SDK1: variants seen among roughly 807,000 people sequenced by gnomAD.
SDK1 encodes the protein sidekick cell adhesion molecule 1.
SDK1 carries 157 observed loss-of-function variants against 245.5 expected under a neutral mutation model. That is an observed-to-expected ratio of 0.64 (90% CI 0.56 to 0.73). The LOEUF (loss-of-function observed/expected upper bound fraction) is 0.73, where lower values mean the gene tolerates loss of function less well. Among genes scored for constraint, SDK1 ranks in the 30% least tolerant of loss-of-function variants. SDK1 has a pLI of 0.00. For synonymous variants in SDK1, 1,647 were observed against 1,278.5 expected (o/e 1.29, Z -6.15); for missense variants, 3,583 against 3,002.3 (o/e 1.19, Z -4.52).
chr7:3,713,771 T>A (rs544567907), intron 4 of SDK1, among the ~76,000 whole-genome samples: 1 of 152,342 alleles, frequency 6.6e-6, no homozygotes, highest in Admixed American at 6.5e-5. Context: ...ATTTAATATT[T>A]AATTGATTAA....
intron 2 of SDK1, among the ~76,000 whole-genome samples, chr7:3,619,731 C>T (rs1781875983): frequency 6.6e-6 from 1 of 152,136 alleles, no homozygotes; most frequent in African/African-American, 2.4e-5. Flanking sequence ...GTATATTCAG[C>T]AGCAATAAAA....
intron 4 of SDK1, among the ~76,000 whole-genome samples, chr7:3,661,487 T>G (rs1409809173): frequency 6.6e-6 from 1 of 152,200 alleles, no homozygotes; most frequent in African/African-American, 2.4e-5. Context: ...ACACGCTATA[T>G]GAATTTAAAT....
chr7:4,139,529 GTGTGTGTA>G lies in SDK1; in HGVS notation c.4229-6191_4229-6184del, dbSNP rs1562871713. On this transcript the variant is annotated intron_variant, in intron 28 of 44. Coordinates refer to ENST00000404826, the MANE Select transcript of SDK1 (RefSeq NM_152744.4). ...TATATGTATATATGTGTGTGTATGT[GTGTGTGTA>G]TATATGTGTGTGTATATGTATATAT... 1.4e-3 allele frequency among the ~76,000 whole-genome samples: 16 copies of G among 11,626 alleles called. 1 individual carries two copies. Among genetic ancestry groups the G allele is most frequent in the African/African-American group, 5.0e-3 (16 of 3,182 alleles). 7.6% of individuals were successfully genotyped at this position (11,626 alleles called of 152,430 possible). A position where few individuals can be genotyped will look rare whatever the true frequency, so the allele number is the denominator to read the frequency against.
chr7:3,930,243 T>C (rs534091879), intron 5 of SDK1, among the ~76,000 whole-genome samples: 2 of 152,094 alleles, frequency 1.3e-5, no homozygotes, highest in South Asian at 4.1e-4. Context: ...AGGAGCTGAG[T>C]AACTCACCAC....
At chr7:4,244,794 A>C (rs1786744205) in intron 43 of SDK1, among the ~76,000 whole-genome samples, 1 of 152,080 alleles carries the variant, frequency 6.6e-6, no homozygotes, top group Non-Finnish European at 1.5e-5. Context: ...GGCAGCATGC[A>C]TTTCCTTGTG....
chr7:3,695,379 T>C (rs1784542237), intron 4 of SDK1, among the ~76,000 whole-genome samples: 1 of 152,230 alleles, frequency 6.6e-6, no homozygotes, highest in South Asian at 2.1e-4. Context: ...TATGAGTAGA[T>C]TAAAATCACT....
chr7:3,846,745 C>G (rs962226728), intron 5 of SDK1, among the ~76,000 whole-genome samples: 1 of 152,196 alleles, frequency 6.6e-6, no homozygotes, highest in African/African-American at 2.4e-5. Flanking sequence ...TGTGAGCACA[C>G]TCAGCACATT....
At chr7:3,434,907 A>C (rs1301174005) in intron 1 of SDK1, among the ~76,000 whole-genome samples, 2 of 152,186 alleles carry the variant, frequency 1.3e-5, no homozygotes, top group African/African-American at 4.8e-5. Flanking sequence ...CGCAGTGTTT[A>C]TTTCATGTTT....
chr7:3,772,784 T>C (rs114621003), intron 4 of SDK1, among the ~76,000 whole-genome samples: 2,054 of 152,336 alleles, frequency 0.013, 55 homozygotes, highest in African/African-American at 0.047. Context: ...CCTCAACTTT[T>C]GTTTATCTGG....
chr7:3,470,046 T>A (rs1424494329), intron 1 of SDK1, among the ~76,000 whole-genome samples: 1 of 152,166 alleles, frequency 6.6e-6, no homozygotes, highest in Non-Finnish European at 1.5e-5. Flanking sequence ...CATTCATTTT[T>A]CCATATTTAA....
intron 5 of SDK1, 64 bp from the exon 6 acceptor site, chr7:3,950,859 G>A (rs1433475027): frequency 1.6e-6 from 2 of 1,289,654 alleles, no homozygotes; most frequent in South Asian, 1.3e-5. Context: ...TGTCCCCTCA[G>A]ATAACGGCGG....
At chr7:3,877,303 C>G (rs926804395) in intron 5 of SDK1, among the ~76,000 whole-genome samples, 1 of 152,202 alleles carries the variant, frequency 6.6e-6, no homozygotes, top group African/African-American at 2.4e-5. Flanking sequence ...CAATAATCAT[C>G]TTGCAGAGTT....
intron 19 of SDK1, among the ~76,000 whole-genome samples, chr7:4,056,704 G>C (rs1266992116): frequency 1.3e-5 from 2 of 152,106 alleles, no homozygotes; most frequent in Non-Finnish European, 2.9e-5. Context: ...GTGATGTCCT[G>C]CTCCAGAGAG....
intron 14 of SDK1, among the ~76,000 whole-genome samples, chr7:3,998,232 T>C (rs1338075648): frequency 2.0e-5 from 3 of 152,208 alleles, no homozygotes; most frequent in Non-Finnish European, 4.4e-5. Context: ...GAGCTTCCAC[T>C]TGTCCCCGGC....
intron 1 of SDK1, among the ~76,000 whole-genome samples, chr7:3,335,061 G>A (rs1780164731): frequency 6.6e-6 from 1 of 152,004 alleles, no homozygotes; most frequent in African/African-American, 2.4e-5. Context: ...CCTGAAACCA[G>A]TCACTTATAA....
At chr7:3,569,788 C>G (rs945307730) in intron 1 of SDK1, among the ~76,000 whole-genome samples, 4 of 152,090 alleles carry the variant, frequency 2.6e-5, no homozygotes, top group Non-Finnish European at 5.9e-5. Context: ...ATGTGCTTGG[C>G]TTTTGTTAAC....
Position 4,227,713 on chromosome 7 carries a change from G to A in SDK1, c.5828-5542G>A, listed in dbSNP as rs760513212. On this transcript the variant is annotated intron_variant, in intron 40 of 44. Transcript: ENST00000404826. ...CAAACTTTTGTATTGGCATGACGTCGGCCCTAATACCTGCAGCACGCAGCT... is the reference window on the plus strand; with the variant it reads ...CAAACTTTTGTATTGGCATGACGTCAGCCCTAATACCTGCAGCACGCAGCT... 5.3e-5 allele frequency among the ~76,000 whole-genome samples: 8 copies of A among 152,186 alleles called. No individual in the cohort carries two copies. The East Asian group carries it at 7.7e-4, about 15-fold the overall frequency.
At chr7:3,998,786 G>A (rs988713711) in intron 14 of SDK1, among the ~76,000 whole-genome samples, 25 of 152,156 alleles carry the variant, frequency 1.6e-4, no homozygotes, top group African/African-American at 4.3e-4. Context: ...CGCATCGCTC[G>A]CTGTCTTCCA....
intron 19 of SDK1, among the ~76,000 whole-genome samples, chr7:4,066,918 C>T (rs950146891): frequency 4.6e-5 from 7 of 152,178 alleles, no homozygotes; most frequent in African/African-American, 1.7e-4. Context: ...GGATTTTTAA[C>T]TCATGTTTTA....
Sources: gnomAD v4.1 joint callset for allele counts (sites outside exome capture counted in the v4.1 genomes callset) on GRCh38, gnomAD v4.1.1 for gene constraint, MANE v1.5 for transcripts, NCBI Gene and HGNC (gene_info 2026-07-23, HGNC 2026-07-21) for gene names.